The following TMEM177 variants were observed in gnomAD, a reference collection of about 807,000 sequenced individuals.
TMEM177 encodes transmembrane protein 177.
Under a neutral mutation model 14.2 loss-of-function variants are expected in TMEM177, and 4 were observed. That is an observed-to-expected ratio of 0.28 (90% CI 0.14 to 0.64). The LOEUF (loss-of-function observed/expected upper bound fraction) is 0.64. Among genes scored for constraint, TMEM177 ranks in the 30% least tolerant of loss-of-function variants. The pLI, the probability that TMEM177 is intolerant of heterozygous loss-of-function variation, is 0.82. For missense variants in TMEM177, 344 were observed against 405.2 expected, an observed-to-expected ratio of 0.85 and a Z score of 1.30; for synonymous variants, 179 against 174.5, an observed-to-expected ratio of 1.03 and a Z score of -0.20.
downstream of TMEM177, among the ~76,000 whole-genome samples, chr2:119,683,782 G>A (rs1167684920): frequency 2.0e-5 from 3 of 151,530 alleles, no homozygotes; most frequent in East Asian, 3.9e-4. Context: ...GTGTGTGCGC[G>A]TGCATTGCTC....
chr2:119,702,643 T>C, the TMEM177 span, among the ~76,000 whole-genome samples: 1 of 152,304 alleles, frequency 6.6e-6, no homozygotes, highest in African/African-American at 2.4e-5. Context: ...AAAATAAAGT[T>C]ACTTTTCTTA....
At chr2:119,707,068 C>T in the TMEM177 span, among the ~76,000 whole-genome samples, 7 of 151,964 alleles carry the variant, frequency 4.6e-5, no homozygotes, top group East Asian at 1.9e-4. Context: ...CCCACCACAA[C>T]GCCCAGCTAA....
chr2:119,681,487 G>A lies in TMEM177; in HGVS notation c.634G>A (p.Gly212Ser), dbSNP rs1390036520. ...AAFSLVAAVA[G>S]FVAYAFSQDS... ...CTTCAGCTTGGTGGCAGCAGTGGCA[G>A]GCTTTGTGGCCTACGCCTTCTCCCA... Residue 212 changes from glycine (G) to serine (S), a missense_variant, in exon 2 of 2, where the codon GGC (glycine) becomes AGC (serine). Gly to Ser is a moderately conservative substitution (Grantham distance 56, BLOSUM62 0). Coordinates refer to ENST00000272521, the MANE Select transcript of TMEM177 (RefSeq NM_030577.3). 1.2e-6 allele frequency: 2 copies of A among 1,613,462 alleles called. No homozygotes were observed. The highest frequency in any genetic ancestry group is 2.7e-5 in the African/African-American group (2 of 74,958).
the TMEM177 span, chr2:119,700,117 A>G: frequency 4.0e-6 from 1 of 248,618 alleles, no homozygotes; most frequent in Non-Finnish European, 8.2e-6. Flanking sequence ...AAGTTAGCGC[A>G]GAAGAAACTA....
the TMEM177 span, among the ~76,000 whole-genome samples, chr2:119,706,937 A>C: frequency 6.6e-6 from 1 of 151,730 alleles, no homozygotes; most frequent in Non-Finnish European, 1.5e-5. Flanking sequence ...TTTGAGAAGG[A>C]GTCTCGCACT....
At chr2:119,706,019 A>ATATATTATATATT in the TMEM177 span, among the ~76,000 whole-genome samples, 28,938 of 135,994 alleles carry the variant, frequency 0.21, 3,549 homozygotes, top group South Asian at 0.28. Context: ...TATTATATAT[A>ATATATTATATATT]TTTATATATA....
At chr2:119,684,051 A>G (rs575808735), downstream of TMEM177, among the ~76,000 whole-genome samples, 1 of 152,180 alleles carries the variant, frequency 6.6e-6, no homozygotes, top group South Asian at 2.1e-4. Context: ...CTGGAAGTGC[A>G]GGTTTGACTG....
chr2:119,692,665 A>G, the TMEM177 span, among the ~76,000 whole-genome samples: 3 of 152,252 alleles, frequency 2.0e-5, no homozygotes, highest in East Asian at 1.9e-4. Flanking sequence ...TTCAGCCACC[A>G]TGAATCCTTT....
chr2:119,687,084 CA>C (rs1288030085), downstream of TMEM177, among the ~76,000 whole-genome samples: 1 of 152,178 alleles, frequency 6.6e-6, no homozygotes, highest in Non-Finnish European at 1.5e-5. Flanking sequence ...GAGGGTATAT[CA>C]CCTCAGTGAT....
chr2:119,681,355 G>A lies in TMEM177; in HGVS notation c.502G>A (p.Val168Met), dbSNP rs775431452. ...VVYLESSTTA[V>M]HALLAPACLA... is the part of the protein sequence containing the mutation. ...GTACCTGGAAAGCAGTACCACTGCC[G>A]TGCACGCCCTGCTGGCCCCAGCTTG... The change falls in exon 2 of 2, where the codon GTG becomes ATG. Residue 168 changes from valine (V) to methionine (M), a missense_variant. Physicochemically the swap from Val to Met is conservative, Grantham distance 21. Transcript: ENST00000272521. 12 of 1,614,010 alleles carry A rather than the reference G, an allele frequency of 7.4e-6. No homozygotes were observed. The highest frequency in any genetic ancestry group is 1.6e-4 in the Middle Eastern group (1 of 6,082).
chr2:119,712,351 A>G, the TMEM177 span, among the ~76,000 whole-genome samples: 1 of 152,036 alleles, frequency 6.6e-6, no homozygotes, highest in African/African-American at 2.4e-5. Context: ...TGTCCCCTCT[A>G]ATTCCTATGT....
chr2:119,720,626 T>C, the TMEM177 span, among the ~76,000 whole-genome samples: 1 of 152,230 alleles, frequency 6.6e-6, no homozygotes, highest in Non-Finnish European at 1.5e-5. Context: ...TCATAAATAT[T>C]ATTTATCTTG....
chr2:119,703,330 G>T, the TMEM177 span, among the ~76,000 whole-genome samples: 2 of 152,126 alleles, frequency 1.3e-5, no homozygotes, highest in African/African-American at 4.8e-5. Flanking sequence ...TGGGCCTCTG[G>T]GGTTTCTCGC....
the TMEM177 span, among the ~76,000 whole-genome samples, chr2:119,691,634 CGCTGTTCAGG>C: frequency 6.6e-6 from 1 of 152,154 alleles, no homozygotes; most frequent in African/African-American, 2.4e-5. Flanking sequence ...TGGACCATGT[CGCTGTTCAGG>C]AAGTGTTTGC....
chr2:119,685,846 C>T (rs1339874314), downstream of TMEM177: 9 of 611,830 alleles, frequency 1.5e-5, no homozygotes, highest in South Asian at 1.4e-4. Flanking sequence ...TAGCCCTTTT[C>T]CTCATGCTGG....
chr2:119,706,900 A>AT, the TMEM177 span, among the ~76,000 whole-genome samples: 10 of 150,858 alleles, frequency 6.6e-5, no homozygotes, highest in East Asian at 3.9e-4. Context: ...TATTTTATTT[A>AT]TTTATTTTAT....
the TMEM177 span, among the ~76,000 whole-genome samples, chr2:119,714,002 G>C: frequency 6.6e-6 from 1 of 152,236 alleles, no homozygotes; most frequent in Non-Finnish European, 1.5e-5. Context: ...AGGTAGTTCA[G>C]GATGACTGAG....
the TMEM177 span, among the ~76,000 whole-genome samples, chr2:119,711,527 G>T: frequency 6.6e-6 from 1 of 152,178 alleles, no homozygotes; most frequent in African/African-American, 2.4e-5. Context: ...GCAGAAACAC[G>T]CAAGTCCTGG....
At chr2:119,704,841 A>T in the TMEM177 span, among the ~76,000 whole-genome samples, 4 of 152,228 alleles carry the variant, frequency 2.6e-5, no homozygotes, top group Middle Eastern at 3.2e-3. Flanking sequence ...ATATTAATCC[A>T]TGCCTTATGA....
Sources: allele counts gnomAD v4.1 joint callset (sites outside exome capture counted in the v4.1 genomes callset), GRCh38; gene constraint gnomAD v4.1.1; transcripts MANE v1.5; gene names NCBI Gene and HGNC (gene_info 2026-07-23, HGNC 2026-07-21).